CCDC158: variants seen among roughly 807,000 people sequenced by gnomAD.
The protein encoded by CCDC158 is coiled-coil domain-containing protein 158.
Under a neutral mutation model 138.6 loss-of-function variants are expected in CCDC158, and 116 were observed. The ratio of observed to expected loss-of-function variants is 0.84; its 90% CI spans 0.72 to 0.98. The LOEUF is 0.98. CCDC158 is among the 50% of genes least tolerant of loss of function. CCDC158 has a pLI of 0.00. For synonymous variants in CCDC158, 436 were observed against 442.4 expected (o/e 0.99, Z 0.18); for missense variants, 1,265 against 1,306.1 (o/e 0.97, Z 0.48).
intron 11 of CCDC158, 152 bp downstream of exon 11, chr4:76,369,274 T>A: frequency 1.9e-6 from 1 of 514,984 alleles, no homozygotes; most frequent in Non-Finnish European, 3.2e-6. Flanking sequence ...AAGTATCAGG[T>A]TTTCATAAAT....
intron 24 of CCDC158, among the ~76,000 whole-genome samples, chr4:76,317,855 A>G (rs973595395): frequency 6.6e-6 from 1 of 152,184 alleles, no homozygotes; most frequent in Non-Finnish European, 1.5e-5. Context: ...TCCAAAAGGA[A>G]CCCTCAAAAC....
At position 76,313,192 on chromosome 4, in the gene CCDC158, T is replaced by C. The variant is rs762476258; in HGVS notation, c.3332A>G (p.Gln1111Arg). The change falls in exon 25 of 25, where the codon CAG becomes CGG. Residue 1111 changes from glutamine to arginine, a missense_variant. By Grantham distance (43) the Gln-to-Arg change is conservative. Transcript: ENST00000682701. ...QEKRIQKVKD[Q>R]EKMLLK ...GAGTCATTTTAGTAACATTTTTTCCTGGTCTTTTACTTTCTGTATCCTCTT... is the reference window on the plus strand; with the variant it reads ...GAGTCATTTTAGTAACATTTTTTCCCGGTCTTTTACTTTCTGTATCCTCTT... 18 of 1,607,446 alleles carry C rather than the reference T, an allele frequency of 1.1e-5. No homozygotes were observed. The highest frequency in any genetic ancestry group is 1.4e-5 in the Non-Finnish European group (17 of 1,176,216).
At chr4:76,324,499 C>T (rs1306872501) in intron 23 of CCDC158, among the ~76,000 whole-genome samples, 1 of 151,876 alleles carries the variant, frequency 6.6e-6, no homozygotes, top group Non-Finnish European at 1.5e-5. Context: ...AAGTTTTTAA[C>T]ATAAATAATA....
intron 4 of CCDC158, among the ~76,000 whole-genome samples, 178 bp from the exon 5 acceptor site, chr4:76,384,843 C>T (rs187057528): frequency 3.2e-4 from 49 of 152,294 alleles, no homozygotes; most frequent in African/African-American, 1.2e-3. Flanking sequence ...AATACCTTAA[C>T]CAGTCTCCCT....
chr4:76,379,062 T>C (rs1348309901), intron 9 of CCDC158, among the ~76,000 whole-genome samples: 3 of 151,656 alleles, frequency 2.0e-5, no homozygotes, highest in Non-Finnish European at 4.4e-5. Flanking sequence ...AGAAACTCAC[T>C]TGAACTATGC....
At chr4:76,397,580 G>T (rs1347637665) in intron 3 of CCDC158, among the ~76,000 whole-genome samples, 1 of 152,194 alleles carries the variant, frequency 6.6e-6, no homozygotes, top group East Asian at 1.9e-4. Context: ...AATGTTGGTA[G>T]TATTGTTATA....
intron 9 of CCDC158, among the ~76,000 whole-genome samples, chr4:76,377,574 C>A (rs188213881): frequency 6.6e-6 from 1 of 152,136 alleles, no homozygotes; most frequent in Admixed American, 6.6e-5. Context: ...TTGGTATAGG[C>A]TTGGTCTGCC....
Position 76,331,334 on chromosome 4 carries a change from T to A in CCDC158, c.2942+10A>T. The stretch of plus-strand genomic sequence containing the variant: ...GGGACATTTTGAAAATGGGGGCTGG[T>A]ATTTCCTACCTACTAAGAGTTTCAC... On this transcript the variant is annotated intron_variant, in intron 21 of 24. Transcript: ENST00000682701. 2 of 1,612,322 alleles carry A rather than the reference T, an allele frequency of 1.2e-6. No homozygotes were observed. The highest frequency in any genetic ancestry group is 1.7e-6 in the Non-Finnish European group (2 of 1,178,328).
intron 2 of CCDC158, among the ~76,000 whole-genome samples, chr4:76,407,003 T>C (rs1419832302): frequency 6.6e-6 from 1 of 151,888 alleles, no homozygotes. Context: ...AGAAAAACAA[T>C]GAGTCAAATT....
chr4:76,369,862 T>C (rs1725071646), intron 10 of CCDC158, among the ~76,000 whole-genome samples: 1 of 152,142 alleles, frequency 6.6e-6, no homozygotes, highest in African/African-American at 2.4e-5. Context: ...TAATATACAA[T>C]GAAAAGGAAA....
At chr4:76,371,599 T>C (rs946462025) in intron 9 of CCDC158, 63 bp from the exon 10 acceptor site, 6 of 1,557,886 alleles carry the variant, frequency 3.9e-6, no homozygotes, top group African/African-American at 1.4e-5. Context: ...AAAATAAATA[T>C]AGACTTTGGA....
rs1314097623 is a variant in CCDC158 at position 76,334,018 on chromosome 4, A to G, written c.2814T>C (p.Tyr938=). ...TGTGCACACAGCCTTACACAGCCAC[A>G]TACAAGGCTCCCAGAGATGTTCTTC... The part of the protein sequence containing the change: ...EDGRTSLGAL[Y]VAVEDRVRDC... The change falls in exon 19 of 25, where the codon TAT becomes TAC. Residue 938 remains tyrosine, a synonymous_variant. Transcript: ENST00000682701. 1 of 1,609,986 alleles carries G rather than the reference A, an allele frequency of 6.2e-7. No individual in the cohort carries two copies. Among genetic ancestry groups the G allele is most frequent in the Non-Finnish European group, 8.5e-7 (1 of 1,177,592 alleles).
At chr4:76,359,518 T>A (rs1297539145) in intron 13 of CCDC158, among the ~76,000 whole-genome samples, 2 of 152,164 alleles carry the variant, frequency 1.3e-5, no homozygotes, top group African/African-American at 4.8e-5. Flanking sequence ...GCTGAAGAAG[T>A]CTCAGATGGA....
intron 9 of CCDC158, among the ~76,000 whole-genome samples, chr4:76,376,834 C>G (rs927323650): frequency 3.3e-5 from 5 of 152,198 alleles, no homozygotes; most frequent in Non-Finnish European, 5.9e-5. Flanking sequence ...TATTATAAAT[C>G]TCAGTGATTT....
intron 18 of CCDC158, among the ~76,000 whole-genome samples, chr4:76,346,792 C>T (rs967424534): frequency 6.6e-6 from 1 of 151,986 alleles, no homozygotes; most frequent in Non-Finnish European, 1.5e-5. Flanking sequence ...TGACAAAGGG[C>T]TAATATCCAG....
intron 4 of CCDC158, among the ~76,000 whole-genome samples, chr4:76,386,209 C>T (rs1726769494): frequency 6.6e-6 from 1 of 151,994 alleles, no homozygotes; most frequent in South Asian, 2.1e-4. Context: ...CTGCCATCCT[C>T]GATGGGAACA....
At chr4:76,404,730 T>C (rs367560275) in intron 2 of CCDC158, among the ~76,000 whole-genome samples, 2 of 150,726 alleles carry the variant, frequency 1.3e-5, no homozygotes, top group East Asian at 3.9e-4. Context: ...AATAAAGAAG[T>C]AAAAAGGGTG....
At chr4:76,413,542 T>TTCA (rs1729462650) in intron 1 of CCDC158, among the ~76,000 whole-genome samples, 1 of 150,432 alleles carries the variant, frequency 6.6e-6, no homozygotes, top group South Asian at 2.1e-4. Flanking sequence ...GACTAATGAA[T>TTCA]GGAAGTAAAG....
intron 9 of CCDC158, among the ~76,000 whole-genome samples, chr4:76,376,783 C>T (rs989490215): frequency 2.6e-5 from 4 of 152,144 alleles, no homozygotes; most frequent in African/African-American, 9.7e-5. Context: ...GTCTAGTTAA[C>T]CATCAACTAG....
Sources: allele counts gnomAD v4.1 joint callset (sites outside exome capture counted in the v4.1 genomes callset), GRCh38; gene constraint gnomAD v4.1.1; transcripts MANE v1.5; gene names NCBI Gene and HGNC (gene_info 2026-07-23, HGNC 2026-07-21).